SLC35F3: variants seen among roughly 807,000 people sequenced by gnomAD.
SLC35F3 encodes the protein solute carrier family 35 member F3, also known as putative thiamine transporter SLC35F3.
A neutral mutation model predicts 49.9 loss-of-function variants in SLC35F3; 25 were observed. That is an observed-to-expected ratio of 0.50 (90% CI 0.37 to 0.70). The LOEUF is 0.70. Among genes scored for constraint, SLC35F3 ranks in the 30% least tolerant of loss-of-function variants. SLC35F3 has a pLI of 0.00. For synonymous variants in SLC35F3, 275 were observed against 265.4 expected, an observed-to-expected ratio of 1.04 and a Z score of -0.35; for missense variants, 525 against 639.8, an observed-to-expected ratio of 0.82 and a Z score of 1.94.
At chr1:234,170,087 C>T (rs1402141367) in intron 2 of SLC35F3, among the ~76,000 whole-genome samples, 1 of 152,220 alleles carries the variant, frequency 6.6e-6, no homozygotes, top group Non-Finnish European at 1.5e-5. Context: ...CATCTTAATC[C>T]TTCATGCCTC....
At chr1:234,230,510 A>G (rs1667351063) in intron 2 of SLC35F3, among the ~76,000 whole-genome samples, 1 of 152,230 alleles carries the variant, frequency 6.6e-6, no homozygotes, top group African/African-American at 2.4e-5. Flanking sequence ...ATTTGCATCC[A>G]TCCGTAGTTA....
intron 2 of SLC35F3, among the ~76,000 whole-genome samples, chr1:233,988,679 C>T (rs574833091): frequency 5.9e-5 from 9 of 152,332 alleles, no homozygotes; most frequent in East Asian, 5.8e-4. Flanking sequence ...TTGCTTACTT[C>T]TAAAATTATA....
chr1:233,955,091 G>A (rs1225584856), intron 2 of SLC35F3, among the ~76,000 whole-genome samples: 1 of 151,976 alleles, frequency 6.6e-6, no homozygotes, highest in African/African-American at 2.4e-5. Flanking sequence ...TGATCCACCT[G>A]CCTCAGCCTC....
chr1:234,313,734 C>T (rs1657415365), intron 4 of SLC35F3, among the ~76,000 whole-genome samples: 1 of 152,154 alleles, frequency 6.6e-6, no homozygotes, highest in Admixed American at 6.5e-5. Context: ...GTACATGGAG[C>T]ACATGGAACC....
At chr1:233,966,303 A>G (rs1312325942) in intron 2 of SLC35F3, among the ~76,000 whole-genome samples, 1 of 152,222 alleles carries the variant, frequency 6.6e-6, no homozygotes, top group Non-Finnish European at 1.5e-5. Flanking sequence ...GGGTTACCCT[A>G]ATCAGACCTA....
At chr1:234,068,985 C>T (rs192077450) in intron 2 of SLC35F3, among the ~76,000 whole-genome samples, 2,667 of 36,664 alleles carry the variant, frequency 0.073, 172 homozygotes, top group East Asian at 0.22. Context: ...AATTTTACTA[C>T]ATATAATATA....
intron 2 of SLC35F3, among the ~76,000 whole-genome samples, chr1:233,961,247 G>A (rs77511703): frequency 0.047 from 7,202 of 151,904 alleles, 261 homozygotes; most frequent in East Asian, 0.17. Context: ...ACCTGTGAAG[G>A]CACTCTCTGT....
intron 3 of SLC35F3, among the ~76,000 whole-genome samples, chr1:234,255,491 G>T (rs992786821): frequency 6.6e-6 from 1 of 152,188 alleles, no homozygotes; most frequent in Non-Finnish European, 1.5e-5. Flanking sequence ...TCCAGCAATT[G>T]TGCTTTTTGG....
At chr1:234,232,519 C>CAAAAA (rs536692686) in intron 3 of SLC35F3, among the ~76,000 whole-genome samples, 18,873 of 71,742 alleles carry the variant, frequency 0.26, 2,857 homozygotes, top group Admixed American at 0.29. Context: ...CAGGCCTAGT[C>CAAAAA]AAAAAAAAAA....
At chr1:234,240,590 G>T (rs1018180127) in intron 3 of SLC35F3, among the ~76,000 whole-genome samples, 3 of 151,786 alleles carry the variant, frequency 2.0e-5, no homozygotes, top group African/African-American at 4.8e-5. Flanking sequence ...GGGTGACAGA[G>T]TGAGACCCTC....
chr1:233,992,298 A>G (rs544639823), intron 2 of SLC35F3, among the ~76,000 whole-genome samples: 2 of 152,324 alleles, frequency 1.3e-5, no homozygotes, highest in African/African-American at 2.4e-5. Flanking sequence ...CTGTGTTGGT[A>G]TTAAGAACAC....
At position 234,098,416 on chromosome 1, in the gene SLC35F3, G is replaced by A. The variant is rs1053490565; in HGVS notation, c.284-133001G>A. Among the ~76,000 whole-genome samples the A allele has an allele frequency of 4.6e-5, 7 of 151,028 alleles. No individual in the cohort carries two copies. The East Asian group carries it at 1.4e-3, about 30-fold the overall frequency. On this transcript the variant is annotated intron_variant, in intron 2 of 7. Transcript: ENST00000366618. The stretch of plus-strand genomic sequence containing the variant: ...GATGATGGAGGTGGTGATTGTGTTG[G>A]TGGTGGTGGTGGCAGTTCAGATGGT...
chr1:234,130,642 C>CAAAAAA (rs35859323), intron 2 of SLC35F3, among the ~76,000 whole-genome samples: 1 of 125,830 alleles, frequency 7.9e-6, no homozygotes, highest in African/African-American at 3.0e-5. Context: ...GAGACTCTGT[C>CAAAAAA]AAAAAAAAAA....
chr1:234,089,851 A>G (rs1214060547), intron 2 of SLC35F3, among the ~76,000 whole-genome samples: 1 of 143,842 alleles, frequency 7.0e-6, no homozygotes, highest in Non-Finnish European at 1.5e-5. Flanking sequence ...AAATAAAGAA[A>G]CAGACAGGGA....
intron 5 of SLC35F3, among the ~76,000 whole-genome samples, chr1:234,317,592 C>T (rs1350573795): frequency 1.3e-5 from 2 of 152,034 alleles, no homozygotes; most frequent in Non-Finnish European, 2.9e-5. Flanking sequence ...GCATTTTTTT[C>T]CCAGCTCTGT....
At chr1:234,145,662 C>T (rs1480123008) in intron 2 of SLC35F3, among the ~76,000 whole-genome samples, 1 of 152,172 alleles carries the variant, frequency 6.6e-6, no homozygotes, top group African/African-American at 2.4e-5. Context: ...ACAACATTTA[C>T]ACTGTATTAG....
At chr1:234,058,801 T>TG (rs138961713) in intron 2 of SLC35F3, among the ~76,000 whole-genome samples, 1,801 of 152,046 alleles carry the variant, frequency 0.012, 42 homozygotes, top group African/African-American at 0.042. Context: ...CTCATTTTTT[T>TG]GGGTTTTTTT....
At chr1:234,066,855 CA>C (rs1664629068) in intron 2 of SLC35F3, among the ~76,000 whole-genome samples, 1 of 150,658 alleles carries the variant, frequency 6.6e-6, no homozygotes, top group Non-Finnish European at 1.5e-5. Context: ...CACACACACA[CA>C]CACACACACA....
At chr1:233,926,455 G>A (rs1180549269) in intron 2 of SLC35F3, among the ~76,000 whole-genome samples, 1 of 152,012 alleles carries the variant, frequency 6.6e-6, no homozygotes, top group Non-Finnish European at 1.5e-5. Flanking sequence ...GCGTCACATA[G>A]TTCTCATGCC....
Sources: gnomAD v4.1 joint callset for allele counts (sites outside exome capture counted in the v4.1 genomes callset) on GRCh38, gnomAD v4.1.1 for gene constraint, MANE v1.5 for transcripts, NCBI Gene and HGNC (gene_info 2026-07-23, HGNC 2026-07-21) for gene names.